ASB18: variants seen among roughly 807,000 people sequenced by gnomAD.
ASB18 encodes ankyrin repeat and SOCS box protein 18.
ASB18 carries 33 observed loss-of-function variants against 33.4 expected under a neutral mutation model. The observed-to-expected ratio is 0.99, with a 90% CI of 0.75 to 1.32. The LOEUF is 1.32. Ranked by LOEUF, ASB18 falls within the 40% of genes most tolerant of loss-of-function variation. The probability of loss-of-function intolerance (pLI) is 0.00; values close to 1 mark genes in which losing one functional copy is unlikely to be tolerated. For missense variants in ASB18, 694 were observed against 655.5 expected (o/e 1.06, Z -0.64); for synonymous variants, 295 against 307.6 (o/e 0.96, Z 0.43).
chr2:236,214,991 C>G lies in ASB18; in HGVS notation c.597-125G>C, dbSNP rs1418658683. 2 of 684,128 alleles carry G rather than the reference C, an allele frequency of 2.9e-6. No individual in the cohort carries two copies. The highest frequency in any genetic ancestry group is 8.8e-5 in the East Asian group (2 of 22,732). 42.4% of individuals were successfully genotyped at this position (684,128 alleles called of 1,614,324 possible). On this transcript the variant is annotated intron_variant, in intron 3 of 5. Transcript: ENST00000409749. The surrounding 1 kb of genome is among the most constrained non-coding windows in gnomAD (Gnocchi z 6.5). Reference sequence around the variant, plus strand: ...AAAAGACATGCTCCGCTCTCCCATACCAAGGCGTCAGGAGTTCAAACTAAA... The same window carrying G: ...AAAAGACATGCTCCGCTCTCCCATAGCAAGGCGTCAGGAGTTCAAACTAAA...
In ASB18 at chr2:236,193,567, C is replaced by T. The variant is rs888948749; in HGVS notation, c.*1305G>A. Among the ~76,000 whole-genome samples, 3 of 152,158 alleles carry T rather than the reference C, an allele frequency of 2.0e-5. No individual in the cohort carries two copies. Among genetic ancestry groups the T allele is most frequent in the South Asian group, 2.1e-4 (1 of 4,822 alleles). ...ATCCCAGCACTTTGGGAGGCCGAGGCGGGCAGATCACCTGAGATCGGGAGT... is the reference window on the plus strand; with the variant it reads ...ATCCCAGCACTTTGGGAGGCCGAGGTGGGCAGATCACCTGAGATCGGGAGT... On this transcript the variant is annotated 3_prime_UTR_variant, in exon 6 of 6. Coordinates refer to ENST00000409749, the MANE Select transcript of ASB18 (RefSeq NM_212556.4). The surrounding 1 kb of genome is among the most constrained non-coding windows in gnomAD (Gnocchi z 5.0).
Position 236,193,838 on chromosome 2 carries a change from G to A in ASB18, c.*1034C>T, listed in dbSNP as rs2060358758. Reference sequence around the variant, plus strand: ...CTGGGCAAGGCCACTGTCTGTATGGGTTTTCTCTGGGTGCTCCAGTTCCCA... The same window carrying A: ...CTGGGCAAGGCCACTGTCTGTATGGATTTTCTCTGGGTGCTCCAGTTCCCA... On this transcript the variant is annotated 3_prime_UTR_variant, in exon 6 of 6. Transcript: ENST00000409749. This position sits in a 1 kb window ranked among gnomAD's most constrained non-coding sequence, Gnocchi z 5.0. Among the ~76,000 whole-genome samples, 1 of 151,992 alleles carries A rather than the reference G, an allele frequency of 6.6e-6. No individual in the cohort carries two copies. Among genetic ancestry groups the A allele is most frequent in the Non-Finnish European group, 1.5e-5 (1 of 67,986 alleles).
intron 3 of ASB18, among the ~76,000 whole-genome samples, chr2:236,236,269 G>A (rs2060588370): frequency 6.6e-6 from 1 of 152,158 alleles, no homozygotes; most frequent in African/African-American, 2.4e-5. Context: ...TATGTCGAGC[G>A]AGAGAAGCCA....
rs1442846595 is a variant in ASB18 at position 236,225,733 on chromosome 2, A to C, written c.597-10867T>G. ...AAAAGGCTCCTAGATTAAAGCTCTGATATCCCTTTCAGTGTGTTGAATTCT... is the reference window on the plus strand; with the variant it reads ...AAAAGGCTCCTAGATTAAAGCTCTGCTATCCCTTTCAGTGTGTTGAATTCT... On this transcript the variant is annotated intron_variant, in intron 3 of 5. Transcript: ENST00000409749. This position sits in a 1 kb window ranked among gnomAD's most constrained non-coding sequence, Gnocchi z 5.1. 6.6e-6 allele frequency among the ~76,000 whole-genome samples: 1 copy of C among 152,092 alleles called. No individual in the cohort carries two copies. Among genetic ancestry groups the C allele is most frequent in the Non-Finnish European group, 1.5e-5 (1 of 68,024 alleles).
chr2:236,258,528 C>T (rs1293473751), intron 1 of ASB18, among the ~76,000 whole-genome samples: 1 of 152,160 alleles, frequency 6.6e-6, no homozygotes, highest in Non-Finnish European at 1.5e-5. Flanking sequence ...AAAATGATTC[C>T]TCTAAGGCGG....
At position 236,217,792 on chromosome 2, in the gene ASB18, A is replaced by C. The variant is rs1240954697; in HGVS notation, c.597-2926T>G. ...CTTGAGTGAAAGATCTTTACAAACA[A>C]GTACAGTTTGATGTGGAGTCCTTTG... On this transcript the variant is annotated intron_variant, in intron 3 of 5. Transcript: ENST00000409749. The surrounding 1 kb of genome is among the most constrained non-coding windows in gnomAD (Gnocchi z 5.2). Among the ~76,000 whole-genome samples the C allele has an allele frequency of 6.6e-6, 1 of 152,208 alleles. No individual in the cohort carries two copies. The highest frequency in any genetic ancestry group is 1.5e-5 in the Non-Finnish European group (1 of 68,044).
rs563557333 is a variant in ASB18 at position 236,215,129 on chromosome 2, A to G, written c.597-263T>C. Among the ~76,000 whole-genome samples the G allele has an allele frequency of 3.9e-5, 6 of 152,228 alleles. No homozygotes were observed. Among genetic ancestry groups the G allele is most frequent in the African/African-American group, 1.4e-4 (6 of 41,536 alleles). On this transcript the variant is annotated intron_variant, in intron 3 of 5. Coordinates refer to ENST00000409749, the MANE Select transcript of ASB18 (RefSeq NM_212556.4). This position sits in a 1 kb window ranked among gnomAD's most constrained non-coding sequence, Gnocchi z 7.2. ...GTGCAGAGTTACAATTTATAAGGAA[A>G]TTTTAACTGCTTGGAGCTTCCTGGG...
In ASB18 at chr2:236,214,867, C is replaced by T. The variant is rs915740305; in HGVS notation, c.597-1G>A. 2.5e-6 allele frequency: 3 copies of T among 1,210,266 alleles called. No individual in the cohort carries two copies. Among genetic ancestry groups the T allele is most frequent in the African/African-American group, 1.6e-5 (1 of 63,276 alleles). The allele number at this position is 1,210,266 out of a possible 1,614,324, so 75.0% of individuals were successfully genotyped here. ...GTGCTCCAGCAGCGCCTGCGCGCAC[C>T]TGTGGGAAGCCAGGGCCTGTCACTC... On this transcript the variant is annotated splice_acceptor_variant, in intron 3 of 5. Transcript: ENST00000409749. LOFTEE classifies it high-confidence loss of function. This position sits in a 1 kb window ranked among gnomAD's most constrained non-coding sequence, Gnocchi z 6.5.
Position 236,237,831 on chromosome 2 carries a change from C to G in ASB18, c.454G>C (p.Gly152Arg), listed in dbSNP as rs1025292025. ...CAGGCCTCGTGCAGGGCGCCGCGGC[C>G]GCCGGGGCTGGCGTCTGGGTCTGCG... ...RGADPDASPGGRGALHEACLG... is the reference protein window; with the variant it reads ...RGADPDASPGRRGALHEACLG... The change falls in exon 3 of 6, where the codon GGC becomes CGC. Residue 152 changes from glycine to arginine, a missense_variant. Gly to Arg is a moderately radical substitution (Grantham distance 125). Transcript: ENST00000409749. This position sits in a 1 kb window ranked among gnomAD's most constrained non-coding sequence, Gnocchi z 6.2. The G allele has an allele frequency of 1.5e-6, 2 of 1,375,108 alleles. No individual in the cohort carries two copies. The highest frequency in any genetic ancestry group is 3.1e-5 in the African/African-American group (2 of 65,070). The allele number at this position is 1,375,108 out of a possible 1,614,324, so 85.2% of individuals were successfully genotyped here.
At position 236,215,591 on chromosome 2, in the gene ASB18, A is replaced by G. The variant is rs2060483955; in HGVS notation, c.597-725T>C. ...CGAGTGTCTTCCTTCTGCTGCCTCCAGGAGCATGACTGTCCTCTACCCCAG... is the reference window on the plus strand; with the variant it reads ...CGAGTGTCTTCCTTCTGCTGCCTCCGGGAGCATGACTGTCCTCTACCCCAG... On this transcript the variant is annotated intron_variant, in intron 3 of 5. Coordinates refer to ENST00000409749, the MANE Select transcript of ASB18 (RefSeq NM_212556.4). The surrounding 1 kb of genome is among the most constrained non-coding windows in gnomAD (Gnocchi z 7.2). Among the ~76,000 whole-genome samples, 1 of 152,056 alleles carries G rather than the reference A, an allele frequency of 6.6e-6. No individual in the cohort carries two copies. The highest frequency in any genetic ancestry group is 2.1e-4 in the South Asian group (1 of 4,810).
In ASB18 at chr2:236,237,692, A is replaced by T. The variant is rs2060601147; in HGVS notation, c.593T>A (p.Leu198His). 2.8e-6 allele frequency: 4 copies of T among 1,449,742 alleles called. No homozygotes were observed. The highest frequency in any genetic ancestry group is 2.5e-4 in the Middle Eastern group (1 of 4,046). The allele number at this position is 1,449,742 out of a possible 1,614,324, so 89.8% of individuals were successfully genotyped here. Residue 198 changes from leucine (L) to histidine (H), a missense_variant, in exon 3 of 6, where the codon CTC becomes CAC. Coordinates refer to ENST00000409749, the MANE Select transcript of ASB18 (RefSeq NM_212556.4). The surrounding 1 kb of genome is among the most constrained non-coding windows in gnomAD (Gnocchi z 6.2). ...PLHLCRTAASLGCAQALLEHG... is the reference protein window; with the variant it reads ...PLHLCRTAASHGCAQALLEHG... ...GGGCCTGTCCCGAGGTCCTTACCCG[A>T]GCGAGGCGGCCGTGCGGCAGAGGTG...
chr2:236,206,190 G>GGTTTTTT (rs1559327907), intron 4 of ASB18, among the ~76,000 whole-genome samples: 1 of 138,024 alleles, frequency 7.2e-6, no homozygotes. Context: ...AGTTTCTTGG[G>GGTTTTTT]TTTTTTTTTT....
rs192942786 is a variant in ASB18 at position 236,264,153 on chromosome 2, C to T, written c.193G>A (p.Gly65Ser). ...TCGTTCTGGTTACCTAGCAGCATGCCGGTGGGCAGCTGAGCCGAGGGGTCT... is the reference window on the plus strand; with the variant it reads ...TCGTTCTGGTTACCTAGCAGCATGCTGGTGGGCAGCTGAGCCGAGGGGTCT... ...MKDPSAQLPT[G>S]MLLGDLDHLK... Residue 65 changes from glycine to serine, a missense_variant, in exon 1 of 6, where the codon GGC (glycine) becomes AGC (serine). Gly to Ser is a moderately conservative substitution (Grantham distance 56, BLOSUM62 0). Transcript: ENST00000409749. This position sits in a 1 kb window ranked among gnomAD's most constrained non-coding sequence, Gnocchi z 5.1. 639 of 1,613,762 alleles carry T rather than the reference C, an allele frequency of 4.0e-4. 1 individual carries two copies. The highest frequency in any genetic ancestry group is 4.9e-4 in the Non-Finnish European group (579 of 1,179,848).
At chr2:236,207,615 G>A (rs1359131076) in intron 4 of ASB18, among the ~76,000 whole-genome samples, 1 of 151,964 alleles carries the variant, frequency 6.6e-6, no homozygotes, top group Non-Finnish European at 1.5e-5. Flanking sequence ...CCAGCCGGGA[G>A]ACGTGGAGGG....
chr2:236,194,737 T>C lies in ASB18; in HGVS notation c.*135A>G. 4.0e-6 allele frequency: 3 copies of C among 740,798 alleles called. No homozygotes were observed. The highest frequency in any genetic ancestry group is 6.4e-6 in the Non-Finnish European group (3 of 469,186). The allele number at this position is 740,798 out of a possible 1,614,324, so 45.9% of individuals were successfully genotyped here. ...ACCTGAAGCTTGGCAAGGTCTGTGCTTCACCCGGTCCCACGGAGAGCAAGT... is the reference window on the plus strand; with the variant it reads ...ACCTGAAGCTTGGCAAGGTCTGTGCCTCACCCGGTCCCACGGAGAGCAAGT... On this transcript the variant is annotated 3_prime_UTR_variant, in exon 6 of 6. Transcript: ENST00000409749. This position sits in a 1 kb window ranked among gnomAD's most constrained non-coding sequence, Gnocchi z 4.5.
chr2:236,203,279 A>G lies in ASB18; in HGVS notation c.1102-6894T>C, dbSNP rs1380564971. Among the ~76,000 whole-genome samples the G allele has an allele frequency of 6.6e-6, 1 of 152,152 alleles. No individual in the cohort carries two copies. The highest frequency in any genetic ancestry group is 1.5e-5 in the Non-Finnish European group (1 of 68,036). ...AGATTTCTGGAAGAAGTGACATCCA[A>G]GCCGAGACCTGGCTCTGGAGCAGGA... On this transcript the variant is annotated intron_variant, in intron 4 of 5. Transcript: ENST00000409749. The surrounding 1 kb of genome is among the most constrained non-coding windows in gnomAD (Gnocchi z 6.0).
chr2:236,232,133 A>G (rs1278894085), intron 3 of ASB18, among the ~76,000 whole-genome samples: 1 of 152,182 alleles, frequency 6.6e-6, no homozygotes, highest in South Asian at 2.1e-4. Flanking sequence ...CAGTAAATTT[A>G]AAAAGGACTA....
chr2:236,261,778 G>T (rs551857797), intron 1 of ASB18, among the ~76,000 whole-genome samples: 2 of 152,332 alleles, frequency 1.3e-5, no homozygotes, highest in East Asian at 3.9e-4. Flanking sequence ...GGCTGGGGAG[G>T]CCTCACAATC....
rs1444446817 is a variant in ASB18 at position 236,244,371 on chromosome 2, TA to T, written c.206-2970del. On this transcript the variant is annotated intron_variant, in intron 1 of 5. Transcript: ENST00000409749. This position sits in a 1 kb window ranked among gnomAD's most constrained non-coding sequence, Gnocchi z 6.1. ...CTCGCCCAGGGAGGCGGGCATAGCA[TA>T]AGCCCCCATTTGCTCACAGCCAGTG... Among the ~76,000 whole-genome samples the T allele has an allele frequency of 6.6e-6, 1 of 152,188 alleles. No individual in the cohort carries two copies. Among genetic ancestry groups the T allele is most frequent in the African/African-American group, 2.4e-5 (1 of 41,452 alleles).
Sources: gnomAD v4.1 joint callset for allele counts (sites outside exome capture counted in the v4.1 genomes callset) on GRCh38, gnomAD v4.1.1 for gene constraint, Gnocchi (gnomAD v3.1) non-coding constraint, MANE v1.5 for transcripts, NCBI Gene and HGNC (gene_info 2026-07-23, HGNC 2026-07-21) for gene names.